The following KIAA0513 variants were observed in gnomAD, a reference collection of about 807,000 sequenced individuals.
The protein encoded by KIAA0513 is KIAA0513.
A neutral mutation model predicts 56.5 loss-of-function variants in KIAA0513; 39 were observed. The ratio of observed to expected loss-of-function variants is 0.69; its 90% confidence interval spans 0.53 to 0.90. KIAA0513 has a LOEUF of 0.90. Ranked by LOEUF, KIAA0513 falls within the 40% of genes least tolerant of loss-of-function variation. The pLI is 0.00. For synonymous variants in KIAA0513, 268 were observed against 215.6 expected, an observed-to-expected ratio of 1.24 and a Z score of -2.13; for missense variants, 591 against 535.2, an observed-to-expected ratio of 1.10 and a Z score of -1.03.
chr16:85,045,181 C>T (rs981394887), intron 1 of KIAA0513, among the ~76,000 whole-genome samples: 3 of 152,082 alleles, frequency 2.0e-5, no homozygotes, highest in Non-Finnish European at 4.4e-5. Context: ...TGTCAATGGT[C>T]TGTAGCAGTC....
chr16:85,047,173 A>G (rs925054718), intron 1 of KIAA0513, among the ~76,000 whole-genome samples: 1 of 151,254 alleles, frequency 6.6e-6, no homozygotes, highest in Non-Finnish European at 1.5e-5. Flanking sequence ...GCCTTTGTCC[A>G]CTCTTCAGAT....
In KIAA0513 at chr16:85,069,704, G is replaced by A. The variant is rs543484589; in HGVS notation, c.330-2079G>A. On this transcript the variant is annotated intron_variant, in intron 2 of 12. Transcript: ENST00000683363. ...CTTGCTGCTGTGTCGTGTGTGGGCC[G>A]GCAGCATTGGCATCTCCTGGGAGCT... 2.8e-3 allele frequency among the ~76,000 whole-genome samples: 423 copies of A among 152,126 alleles called. 3 individuals are homozygous for A. Among genetic ancestry groups the A allele is most frequent in the African/African-American group, 9.4e-3 (392 of 41,504 alleles).
At chr16:85,038,148 C>T (rs1371514207) in intron 1 of KIAA0513, among the ~76,000 whole-genome samples, 1 of 152,178 alleles carries the variant, frequency 6.6e-6, no homozygotes, top group African/African-American at 2.4e-5. Context: ...CCTCTGTGCA[C>T]CCCACTGGGC....
chr16:85,028,803 G>A (rs567861316), intron 1 of KIAA0513, among the ~76,000 whole-genome samples: 78 of 152,338 alleles, frequency 5.1e-4, no homozygotes, highest in Admixed American at 1.2e-3. Flanking sequence ...CTCTGAGCTG[G>A]CACAGGTGAG....
intron 12 of KIAA0513, 23 bp downstream of exon 12, chr16:85,087,189 G>A: frequency 6.3e-7 from 1 of 1,598,170 alleles, no homozygotes; most frequent in Non-Finnish European, 8.6e-7. Flanking sequence ...GAGGCTGCTG[G>A]CAGGAGGCGG....
chr16:85,037,970 C>T (rs1459611697), intron 1 of KIAA0513, among the ~76,000 whole-genome samples: 10 of 152,190 alleles, frequency 6.6e-5, no homozygotes, highest in African/African-American at 2.4e-4. Context: ...CACACAGTGG[C>T]CAGAGTGCAG....
intron 1 of KIAA0513, among the ~76,000 whole-genome samples, chr16:85,038,353 G>A (rs1394487777): frequency 6.6e-6 from 1 of 152,182 alleles, no homozygotes; most frequent in Non-Finnish European, 1.5e-5. Flanking sequence ...GACGCACCAC[G>A]TGTATGATTT....
intron 1 of KIAA0513, among the ~76,000 whole-genome samples, chr16:85,052,821 G>A (rs527699414): frequency 4.1e-4 from 62 of 152,354 alleles, no homozygotes; most frequent in African/African-American, 1.5e-3. Flanking sequence ...GACTCAGCAA[G>A]CGCGCCCTCA....
chr16:85,033,391 C>G (rs1026418099), intron 1 of KIAA0513, among the ~76,000 whole-genome samples: 1 of 152,166 alleles, frequency 6.6e-6, no homozygotes, highest in Non-Finnish European at 1.5e-5. Flanking sequence ...AGAGATGATT[C>G]CCTTCTTTTG....
At chr16:85,068,937 T>C (rs1228395994) in intron 2 of KIAA0513, among the ~76,000 whole-genome samples, 1 of 152,296 alleles carries the variant, frequency 6.6e-6, no homozygotes, top group East Asian at 1.9e-4. Flanking sequence ...ACAGCTATAG[T>C]TGGCTAAGAG....
chr16:85,086,876 T>A, intron 11 of KIAA0513, 152 bp downstream of exon 11: 1 of 849,780 alleles, frequency 1.2e-6, no homozygotes, highest in Non-Finnish European at 1.8e-6. Flanking sequence ...TCATAATTAA[T>A]CCGCCTCCTA....
rs118116275 is a variant in KIAA0513, at chr16:85,052,037, A to T, written c.-172-14863A>T. The stretch of plus-strand genomic sequence containing the variant: ...GTTGTTATCCTTTCTAAAACGACGC[A>T]TTGGCCAGGCGCAGTGGCTCACGCC... On this transcript the variant is annotated intron_variant, in intron 1 of 12. Coordinates refer to ENST00000683363, the MANE Select transcript of KIAA0513 (RefSeq NM_001388359.1). Among the ~76,000 whole-genome samples the T allele has an allele frequency of 5.9e-4, 89 of 151,022 alleles. No homozygotes were observed. In the East Asian group the frequency reaches 0.017, roughly 28 times the overall value.
chr16:85,044,513 T>TA (rs200490708), intron 1 of KIAA0513, among the ~76,000 whole-genome samples: 13,252 of 150,922 alleles, frequency 0.088, 1,017 homozygotes, highest in African/African-American at 0.19. Context: ...TATTTTTATT[T>TA]TTTTTTTTTT....
intron 2 of KIAA0513, among the ~76,000 whole-genome samples, chr16:85,071,544 G>C (rs1049679844): frequency 4.6e-5 from 7 of 152,170 alleles, no homozygotes; most frequent in African/African-American, 1.7e-4. Flanking sequence ...ATGGAACTCT[G>C]GTTCACCACT....
At chr16:85,052,880 T>G (rs1452029592) in intron 1 of KIAA0513, among the ~76,000 whole-genome samples, 1 of 151,924 alleles carries the variant, frequency 6.6e-6, no homozygotes, top group African/African-American at 2.4e-5. Flanking sequence ...TCGGATCAAA[T>G]TTTTATTTTT....
At chr16:85,065,768 G>A (rs935888183) in intron 1 of KIAA0513, among the ~76,000 whole-genome samples, 10 of 152,294 alleles carry the variant, frequency 6.6e-5, no homozygotes, top group East Asian at 1.9e-4. Flanking sequence ...TCAGGAGGGC[G>A]TCTCCTTCCC....
intron 1 of KIAA0513, among the ~76,000 whole-genome samples, chr16:85,056,341 A>G (rs1363310945): frequency 6.6e-6 from 1 of 152,288 alleles, no homozygotes; most frequent in East Asian, 1.9e-4. Flanking sequence ...AAGTCTTTCA[A>G]ACGCCCTGGA....
chr16:85,081,080 TC>T lies in KIAA0513; in HGVS notation c.903-232del, dbSNP rs1181558861. ...CAGCCCGGGTTATCATAGCTTTCCC[TC>T]CCACTTGCGCCATCTCTCCTAAGAG... On this transcript the variant is annotated intron_variant, in intron 8 of 12. Coordinates refer to ENST00000683363, the MANE Select transcript of KIAA0513 (RefSeq NM_001388359.1). The surrounding 1 kb of genome is among the most constrained non-coding windows in gnomAD (Gnocchi z 4.4). Among the ~76,000 whole-genome samples the T allele has an allele frequency of 1.3e-5, 2 of 152,160 alleles. No individual in the cohort carries two copies. The highest frequency in any genetic ancestry group is 2.9e-5 in the Non-Finnish European group (2 of 68,020).
intron 12 of KIAA0513, 93 bp downstream of exon 12, chr16:85,087,259 C>A: frequency 2.0e-6 from 2 of 1,012,078 alleles, no homozygotes; most frequent in South Asian, 1.3e-5. Context: ...TGCCAGAAGG[C>A]ATGTCGTGTT....
Sources: gnomAD v4.1 joint callset for allele counts (sites outside exome capture counted in the v4.1 genomes callset) on GRCh38, gnomAD v4.1.1 for gene constraint, Gnocchi (gnomAD v3.1) non-coding constraint, MANE v1.5 for transcripts, NCBI Gene and HGNC (gene_info 2026-07-23, HGNC 2026-07-21) for gene names.